SERPINB6: variants seen among roughly 807,000 people sequenced by gnomAD.
The protein encoded by SERPINB6 is serpin family B member 6.
In SERPINB6, 16 loss-of-function variants were observed where a neutral mutation model predicts 26.1. That is an observed-to-expected ratio of 0.61 (90% CI 0.42 to 0.93). The LOEUF (loss-of-function observed/expected upper bound fraction) is 0.93, where lower values mean the gene tolerates loss of function less well. SERPINB6 is among the 40% of genes least tolerant of loss of function. SERPINB6 has a pLI of 0.00. For missense variants in SERPINB6, 420 were observed against 478.0 expected, an observed-to-expected ratio of 0.88 and a Z score of 1.13; for synonymous variants, 174 against 176.6, an observed-to-expected ratio of 0.99 and a Z score of 0.11.
At chr6:2,958,573 G>T (rs1166483961) in intron 2 of SERPINB6, among the ~76,000 whole-genome samples, 2 of 87,474 alleles carry the variant, frequency 2.3e-5, no homozygotes, top group African/African-American at 6.4e-5. Flanking sequence ...GAAGGCCCCA[G>T]CGGAGAAGGC....
In SERPINB6 at chr6:2,968,450, G is replaced by T. The variant is rs1295852118; in HGVS notation, c.-11+3083C>A. Reference sequence around the variant, plus strand: ...TGCGTATGTATCCTGAACCTAAATAGAGGTTTAAAAGGTTAAAAAAAAAAA... The same window carrying T: ...TGCGTATGTATCCTGAACCTAAATATAGGTTTAAAAGGTTAAAAAAAAAAA... On this transcript the variant is annotated intron_variant, in intron 1 of 6. Transcript: ENST00000380539. The T allele has an allele frequency of 3.2e-6, 3 of 940,042 alleles. No homozygotes were observed. In the African/African-American group the frequency reaches 7.8e-5, roughly 25 times the overall value. The allele number at this position is 940,042 out of a possible 1,614,324, so 58.2% of individuals were successfully genotyped here. A position where few individuals can be genotyped will look rare whatever the true frequency, so the allele number is the denominator to read the frequency against.
At chr6:2,953,797 A>G (rs1770096235) in intron 4 of SERPINB6, among the ~76,000 whole-genome samples, 1 of 152,168 alleles carries the variant, frequency 6.6e-6, no homozygotes, top group Non-Finnish European at 1.5e-5. Context: ...TTGGGAGGCC[A>G]AGGCGGGTGG....
rs1016475362 is a variant in SERPINB6, at chr6:2,962,157, A to G, written c.-10-2815T>C. 4.1e-6 allele frequency: 4 copies of G among 985,312 alleles called. No individual in the cohort carries two copies. The African/African-American group carries it at 7.0e-5, about 17-fold the overall frequency. The allele number at this position is 985,312 out of a possible 1,614,324, so 61.0% of individuals were successfully genotyped here. On this transcript the variant is annotated intron_variant, in intron 1 of 6. Transcript: ENST00000380539. Reference sequence around the variant, plus strand: ...TCAGTAACTTCAACAAAGCAAAGCCACCTTTGTCTGAAGACACGCCCACTG... The same window carrying G: ...TCAGTAACTTCAACAAAGCAAAGCCGCCTTTGTCTGAAGACACGCCCACTG...
intron 1 of SERPINB6, chr6:2,969,992 AG>A: frequency 1.2e-6 from 1 of 865,998 alleles, no homozygotes; most frequent in East Asian, 1.2e-4. Context: ...AAAATTAGCC[AG>A]GTATGGAGCC....
chr6:2,958,059 G>A (rs1183966389), intron 2 of SERPINB6: 3 of 152,258 alleles, frequency 2.0e-5, no homozygotes, highest in Non-Finnish European at 2.9e-5. Context: ...CCCAACTCCA[G>A]TGTCTCAGGA....
chr6:2,953,162 G>A lies in SERPINB6; in HGVS notation c.455C>T (p.Pro152Leu), dbSNP rs764659148. The A allele has an allele frequency of 3.1e-6, 5 of 1,614,196 alleles. No individual in the cohort carries two copies. The highest frequency in any genetic ancestry group is 1.1e-5 in the South Asian group (1 of 91,084). Residue 152 changes from proline to leucine, a missense_variant, in exon 5 of 7, where the codon CCG (proline) becomes CTG (leucine). Pro to Leu is a moderately conservative substitution (Grantham distance 98, BLOSUM62 -3). Transcript: ENST00000380539. Reference protein sequence around the residue: ...TEGKIAELLSPGSVDPLTRLV... With the variant: ...TEGKIAELLSLGSVDPLTRLV... ...CCTTGTCAATGGATCCACTGAGCCC[G>A]GAGAGAGCAACTCCGCAATTTTACC...
rs1261803822 is a variant in SERPINB6, at chr6:2,971,516, C to T, written c.-11+17G>A. ...CCAAGCCAGCGTGTCCGAGCGGCTCCCAAGCCAGACACGTACTCCAGAGCG... is the reference window on the plus strand; with the variant it reads ...CCAAGCCAGCGTGTCCGAGCGGCTCTCAAGCCAGACACGTACTCCAGAGCG... On this transcript the variant is annotated intron_variant, in intron 1 of 6. Transcript: ENST00000380539. 6.6e-6 allele frequency: 1 copy of T among 152,240 alleles called. No homozygotes were observed. Among genetic ancestry groups the T allele is most frequent in the Non-Finnish European group, 1.5e-5 (1 of 68,054 alleles). The allele number at this position is 152,240 out of a possible 1,614,324, so 9.4% of individuals were successfully genotyped here.
chr6:2,953,225 G>A lies in SERPINB6; in HGVS notation c.431-39C>T, dbSNP rs1221137012. The A allele has an allele frequency of 3.1e-6, 5 of 1,613,472 alleles. No individual in the cohort carries two copies. The South Asian group carries it at 3.3e-5, about 11-fold the overall frequency. On this transcript the variant is annotated intron_variant, in intron 4 of 6. Transcript: ENST00000380539. ...TTCAAGACCGCATTAGATAGGGGCG[G>A]CTGCGGATCCCCGACACATCAGGAA...
intron 5 of SERPINB6, among the ~76,000 whole-genome samples, chr6:2,951,596 T>C (rs1261473042): frequency 6.6e-6 from 1 of 152,136 alleles, no homozygotes; most frequent in African/African-American, 2.4e-5. Flanking sequence ...ATTCACTAAA[T>C]ACACAATTAT....
At chr6:2,959,461 C>T in intron 1 of SERPINB6, 119 bp from the exon 2 acceptor site, 2 of 959,188 alleles carry the variant, frequency 2.1e-6, no homozygotes, top group South Asian at 1.3e-5. Flanking sequence ...GAAACACACA[C>T]AGAACTCTGG....
At chr6:2,964,574 T>C (rs959477784) in intron 1 of SERPINB6, among the ~76,000 whole-genome samples, 21 of 152,202 alleles carry the variant, frequency 1.4e-4, no homozygotes, top group Non-Finnish European at 7.3e-5. Context: ...GATTTTCACA[T>C]TTTCTATAGC....
Position 2,948,922 on chromosome 6 carries a change from A to C in SERPINB6, c.721T>G (p.Leu241Val). The change falls in exon 6 of 7, where the codon TTG becomes GTG. Residue 241 changes from leucine to valine, a missense_variant. Leu to Val is a conservative substitution (Grantham distance 32). Coordinates refer to ENST00000380539, the MANE Select transcript of SERPINB6 (RefSeq NM_004568.6). This position sits in a 1 kb window ranked among gnomAD's most constrained non-coding sequence, Gnocchi z 5.0. The part of the protein sequence containing the change: ...IIMLPDETTD[L>V]RTVEKELTYE... ...CACAGCTTAGCTGTTACCGTTCTCA[A>C]GTCAGTGGTCTCGTCCGGAAGCATG... 6.2e-7 allele frequency: 1 copy of C among 1,614,242 alleles called. No individual in the cohort carries two copies. The highest frequency in any genetic ancestry group is 8.5e-7 in the Non-Finnish European group (1 of 1,180,044).
At chr6:2,949,785 C>G (rs1471425907) in intron 5 of SERPINB6, among the ~76,000 whole-genome samples, 1 of 152,152 alleles carries the variant, frequency 6.6e-6, no homozygotes, top group African/African-American at 2.4e-5. Context: ...CCCATTTACT[C>G]GGAGCAGGAG....
intron 5 of SERPINB6, among the ~76,000 whole-genome samples, chr6:2,951,712 C>T (rs1036616834): frequency 3.9e-5 from 6 of 152,180 alleles, no homozygotes; most frequent in African/African-American, 2.4e-5. Flanking sequence ...CAGGCTGGTA[C>T]GCTCAATACT....
chr6:2,952,163 A>G (rs1216995239), intron 5 of SERPINB6, among the ~76,000 whole-genome samples: 2 of 152,188 alleles, frequency 1.3e-5, no homozygotes, highest in East Asian at 1.9e-4. Context: ...TAAAGAGAGA[A>G]ATTATTTTGC....
intron 5 of SERPINB6, 141 bp downstream of exon 5, chr6:2,952,903 C>T (rs989782501): frequency 1.6e-6 from 2 of 1,237,554 alleles, no homozygotes; most frequent in African/African-American, 2.9e-5. Flanking sequence ...TGCCAGGCGC[C>T]CAGGGACACG....
chr6:2,948,543 C>T lies in SERPINB6; in HGVS notation c.886G>A (p.Glu296Lys), dbSNP rs752907413. 36 of 1,614,026 alleles carry T rather than the reference C, an allele frequency of 2.2e-5. No homozygotes were observed. In the Admixed American group the frequency reaches 2.7e-4, roughly 12 times the overall value. The change falls in exon 7 of 7, where the codon GAG (glutamate) becomes AAG (lysine). Residue 296 changes from glutamate to lysine, a missense_variant. Transcript: ENST00000380539. The surrounding 1 kb of genome is among the most constrained non-coding windows in gnomAD (Gnocchi z 5.0). Reference protein sequence around the residue: ...LRNLGMTDAFELGKADFSGMS... With the variant: ...LRNLGMTDAFKLGKADFSGMS... ...CCAGAGAAGTCTGCCTTGCCCAGCT[C>T]GAAGGCATCAGTCATGCCCAGGTTG...
rs1479538726 is a variant in SERPINB6, at chr6:2,955,513, G to A, written c.312+11C>T. ...TTATTTCTTTAGTGAATAAGAGCAA[G>A]TATGACTTACTGAGAGGAAATCACA... is the stretch of plus-strand genomic sequence containing the variant. On this transcript the variant is annotated intron_variant, in intron 3 of 6. Coordinates refer to ENST00000380539, the MANE Select transcript of SERPINB6 (RefSeq NM_004568.6). The A allele has an allele frequency of 6.2e-7, 1 of 1,614,198 alleles. No individual in the cohort carries two copies. The highest frequency in any genetic ancestry group is 1.3e-5 in the African/African-American group (1 of 75,060).
At chr6:2,954,919 G>A (rs1274901687) in intron 3 of SERPINB6, 7 of 554,066 alleles carry the variant, frequency 1.3e-5, no homozygotes, top group African/African-American at 9.5e-5. Flanking sequence ...GTCAGGTACT[G>A]TGGCTTACAC....
Sources: gnomAD v4.1 joint callset for allele counts (sites outside exome capture counted in the v4.1 genomes callset) on GRCh38, gnomAD v4.1.1 for gene constraint, Gnocchi (gnomAD v3.1) non-coding constraint, MANE v1.5 for transcripts, NCBI Gene and HGNC (gene_info 2026-07-23, HGNC 2026-07-21) for gene names.